The following DCC variants were observed in gnomAD, a reference collection of about 807,000 sequenced individuals.
DCC encodes the protein DCC netrin 1 receptor.
DCC carries 58 observed loss-of-function variants against 172.5 expected under a neutral mutation model. The observed-to-expected ratio is 0.34, with a 90% CI of 0.27 to 0.42. The LOEUF (loss-of-function observed/expected upper bound fraction) is 0.42, where lower values mean the gene tolerates loss of function less well. DCC is among the 10% of genes least tolerant of loss of function. The probability of loss-of-function intolerance (pLI) is 1.00; values close to 1 mark genes in which losing one functional copy is unlikely to be tolerated. For synonymous variants in DCC, 709 were observed against 644.5 expected (o/e 1.10, Z -1.52); for missense variants, 1,740 against 1,791.0 (o/e 0.97, Z 0.51).
chr18:52,723,519 C>G (rs571750233), intron 1 of DCC, among the ~76,000 whole-genome samples: 1 of 152,260 alleles, frequency 6.6e-6, no homozygotes, highest in Admixed American at 6.5e-5. Flanking sequence ...AGCCGTCCCT[C>G]AGACCTAATT....
At chr18:52,846,563 T>C (rs2038893313) in intron 2 of DCC, among the ~76,000 whole-genome samples, 1 of 149,884 alleles carries the variant, frequency 6.7e-6, no homozygotes, top group African/African-American at 2.5e-5. Context: ...AATTCAGATT[T>C]AACTGCTTCC....
At chr18:53,437,977 A>C (rs1375439768) in intron 22 of DCC, among the ~76,000 whole-genome samples, 1 of 152,190 alleles carries the variant, frequency 6.6e-6, no homozygotes, top group Non-Finnish European at 1.5e-5. Flanking sequence ...ATCCCTAGAG[A>C]TATATAGCAG....
intron 1 of DCC, among the ~76,000 whole-genome samples, chr18:52,350,562 A>G (rs1042292055): frequency 3.3e-5 from 5 of 152,132 alleles, no homozygotes; most frequent in Non-Finnish European, 7.4e-5. Flanking sequence ...GCAATAGGAG[A>G]AATAAGACAG....
At chr18:53,063,650 G>T (rs995985154) in intron 6 of DCC, 191 bp downstream of exon 6, 6 of 557,378 alleles carry the variant, frequency 1.1e-5, no homozygotes, top group Admixed American at 6.4e-5. Context: ...AGTGATCAAA[G>T]AATTCAGCCC....
chr18:53,333,588 G>A (rs1467845910), intron 14 of DCC, among the ~76,000 whole-genome samples: 15 of 152,150 alleles, frequency 9.9e-5, no homozygotes, highest in Non-Finnish European at 1.5e-5. Flanking sequence ...TAGATGGCTG[G>A]AGTGAGGTGA....
chr18:52,390,963 C>A (rs1319406340), intron 1 of DCC, among the ~76,000 whole-genome samples: 1 of 152,086 alleles, frequency 6.6e-6, no homozygotes, highest in Non-Finnish European at 1.5e-5. Flanking sequence ...AAAGTCTTAT[C>A]ATCTTCTTGC....
chr18:52,900,128 A>G (rs11663767), intron 2 of DCC, among the ~76,000 whole-genome samples: 3,635 of 152,296 alleles, frequency 0.024, 71 homozygotes, highest in Admixed American at 0.053. Context: ...GAAAGCTACT[A>G]TGAGGAAGTG....
chr18:52,907,952 A>G (rs2039914683), intron 3 of DCC, among the ~76,000 whole-genome samples: 1 of 152,284 alleles, frequency 6.6e-6, no homozygotes, highest in East Asian at 1.9e-4. Context: ...TCCCTAAGAC[A>G]CTGGCCTCAT....
chr18:53,323,451 A>G (rs2144829795), intron 14 of DCC, among the ~76,000 whole-genome samples: 1 of 152,364 alleles, frequency 6.6e-6, no homozygotes, highest in Non-Finnish European at 1.5e-5. Context: ...AAGTCTTACT[A>G]AGCATCAGGC....
At chr18:53,494,014 C>G (rs2045989641) in intron 26 of DCC, among the ~76,000 whole-genome samples, 1 of 152,186 alleles carries the variant, frequency 6.6e-6, no homozygotes, top group Non-Finnish European at 1.5e-5. Flanking sequence ...CCCAGAGATT[C>G]TGGTATGTTG....
intron 22 of DCC, among the ~76,000 whole-genome samples, chr18:53,448,384 G>T (rs964536564): frequency 3.3e-5 from 5 of 152,110 alleles, no homozygotes; most frequent in African/African-American, 1.2e-4. Context: ...TGAGCAAAAG[G>T]GGGGAAAGGA....
At chr18:52,532,750 G>A (rs147038273) in intron 1 of DCC, among the ~76,000 whole-genome samples, 29 of 151,882 alleles carry the variant, frequency 1.9e-4, no homozygotes, top group African/African-American at 6.8e-4. Flanking sequence ...TTTTTCTGAG[G>A]GCCACCTTCC....
chr18:53,254,434 G>T (rs1373047541), intron 12 of DCC, among the ~76,000 whole-genome samples: 3 of 151,938 alleles, frequency 2.0e-5, no homozygotes, highest in Non-Finnish European at 2.9e-5. Flanking sequence ...AGAGCTATCA[G>T]CACCCAGAGC....
chr18:53,110,534 A>T (rs2043314932), intron 7 of DCC, among the ~76,000 whole-genome samples: 1 of 151,848 alleles, frequency 6.6e-6, no homozygotes, highest in Non-Finnish European at 1.5e-5. Context: ...TAAAGAGACC[A>T]CCAACTTAAA....
chr18:52,638,637 A>G (rs766320441), intron 1 of DCC, among the ~76,000 whole-genome samples: 1 of 152,182 alleles, frequency 6.6e-6, no homozygotes, highest in Non-Finnish European at 1.5e-5. Context: ...TCACAATTCT[A>G]AACATATATG....
intron 5 of DCC, among the ~76,000 whole-genome samples, chr18:53,015,976 T>A (rs186444690): frequency 6.6e-6 from 1 of 152,292 alleles, no homozygotes; most frequent in East Asian, 1.9e-4. Context: ...ATTCATTAAG[T>A]ATAAGAATCC....
At position 53,065,777 on chromosome 18, in the gene DCC, AG is replaced by A. The variant is rs2042557450; in HGVS notation, c.1141-267del. Among the ~76,000 whole-genome samples, 6 of 152,080 alleles carry A rather than the reference AG, an allele frequency of 3.9e-5. No homozygotes were observed. In the South Asian group the frequency reaches 1.2e-3, roughly 32 times the overall value. On this transcript the variant is annotated intron_variant, in intron 6 of 28. Coordinates refer to ENST00000442544, the MANE Select transcript of DCC (RefSeq NM_005215.4). ...ATACTTGTCTGTTGACTGCTCATTT[AG>A]GTATTGAGGATGGTGCATATTTTTG...
chr18:52,368,760 T>C lies in DCC; in HGVS notation c.91+27882T>C, dbSNP rs149763349. Among the ~76,000 whole-genome samples, 24 of 152,352 alleles carry C rather than the reference T, an allele frequency of 1.6e-4. 1 individual carries two copies. In the East Asian group the frequency reaches 4.4e-3, roughly 28 times the overall value. On this transcript the variant is annotated intron_variant, in intron 1 of 28. Transcript: ENST00000442544. ...GTGAAAGGGTTGAAAAAAACTCTAG[T>C]CTTTGTTCAGGATCCTGGTACCTTC...
At chr18:53,398,883 A>G (rs1568106935) in intron 18 of DCC, among the ~76,000 whole-genome samples, 2 of 152,148 alleles carry the variant, frequency 1.3e-5, no homozygotes, top group South Asian at 4.1e-4. Context: ...AGTGATGATG[A>G]GAAGTAAGAA....
Sources: allele counts gnomAD v4.1 joint callset (sites outside exome capture counted in the v4.1 genomes callset), GRCh38; gene constraint gnomAD v4.1.1; transcripts MANE v1.5; gene names NCBI Gene and HGNC (gene_info 2026-07-23, HGNC 2026-07-21).